The following MAML2 variants were observed in gnomAD, a reference collection of about 807,000 sequenced individuals.
MAML2 encodes the protein mastermind like transcriptional coactivator 2.
In MAML2, 22 loss-of-function variants were observed where a neutral mutation model predicts 96.1. The ratio of observed to expected loss-of-function variants is 0.23; its 90% CI spans 0.16 to 0.33. The LOEUF (loss-of-function observed/expected upper bound fraction) is 0.33, where lower values mean the gene tolerates loss of function less well. Ranked by LOEUF, MAML2 falls within the 10% of genes least tolerant of loss-of-function variation. The pLI is 1.00. For missense variants in MAML2, 1,367 were observed against 1,392.4 expected, an observed-to-expected ratio of 0.98 and a Z score of 0.29; for synonymous variants, 561 against 521.3, an observed-to-expected ratio of 1.08 and a Z score of -1.04.
intron 1 of MAML2, among the ~76,000 whole-genome samples, chr11:96,263,008 C>T (rs1862772495): frequency 6.6e-6 from 1 of 152,140 alleles, no homozygotes; most frequent in African/African-American, 2.4e-5. Flanking sequence ...TAGTAAACTG[C>T]TTCCCCGGGA....
chr11:96,207,789 T>A (rs753335625), intron 1 of MAML2, among the ~76,000 whole-genome samples: 13 of 152,242 alleles, frequency 8.5e-5, no homozygotes, highest in Non-Finnish European at 1.5e-4. Context: ...CATTATCGAA[T>A]AAAGAAGGCA....
intron 4 of MAML2, among the ~76,000 whole-genome samples, chr11:95,984,454 T>C (rs1296517492): frequency 6.6e-6 from 1 of 152,184 alleles, no homozygotes; most frequent in Non-Finnish European, 1.5e-5. Context: ...CCATTCCTAA[T>C]GTTACTTGTT....
intron 1 of MAML2, among the ~76,000 whole-genome samples, chr11:96,298,695 GTGTA>G (rs1234008801): frequency 6.7e-6 from 1 of 148,434 alleles, no homozygotes; most frequent in African/African-American, 2.5e-5. Context: ...ATGTATATGT[GTGTA>G]TGTGTGTATA....
intron 1 of MAML2, among the ~76,000 whole-genome samples, chr11:96,108,690 A>C (rs747180038): frequency 6.6e-5 from 10 of 152,186 alleles, no homozygotes; most frequent in Non-Finnish European, 1.2e-4. Context: ...CAACGTTGAG[A>C]GATGGATAAA....
chr11:96,224,505 AGTTCTTCC>A (rs1175331615), intron 1 of MAML2, among the ~76,000 whole-genome samples: 72 of 152,308 alleles, frequency 4.7e-4, no homozygotes, highest in Middle Eastern at 3.4e-3. Flanking sequence ...GCCCAATTCA[AGTTCTTCC>A]AAGATGTCTT....
chr11:96,288,496 C>T (rs1038683196), intron 1 of MAML2, among the ~76,000 whole-genome samples: 3 of 148,030 alleles, frequency 2.0e-5, no homozygotes, highest in East Asian at 4.0e-4. Flanking sequence ...GAGCCAAGAT[C>T]GTGCCCTTGC....
chr11:95,997,465 A>G (rs1025843367), intron 2 of MAML2, among the ~76,000 whole-genome samples: 4 of 152,136 alleles, frequency 2.6e-5, no homozygotes, highest in Admixed American at 2.0e-4. Context: ...TTCTTTTTAT[A>G]AGGTTCAATC....
chr11:96,053,638 C>A (rs571492008), intron 2 of MAML2, among the ~76,000 whole-genome samples: 1 of 152,054 alleles, frequency 6.6e-6, no homozygotes, highest in Non-Finnish European at 1.5e-5. Flanking sequence ...GGGTGACCAA[C>A]ATAACAGAGG....
At chr11:96,007,071 C>T (rs1370702045) in intron 2 of MAML2, among the ~76,000 whole-genome samples, 4 of 151,572 alleles carry the variant, frequency 2.6e-5, no homozygotes, top group African/African-American at 4.9e-5. Flanking sequence ...GGCATGATCT[C>T]GGCCCACTGC....
rs777417783 is a variant in MAML2 at position 95,979,981 on chromosome 11, A to G, written c.2456-18T>C. The G allele has an allele frequency of 2.5e-6, 4 of 1,594,718 alleles. No individual in the cohort carries two copies. Among genetic ancestry groups the G allele is most frequent in the South Asian group, 1.1e-5 (1 of 87,496 alleles). ...TGAGCCACCTGAGAAAAAGAAGAGAATTTTATTAGTTCGTAGCAGCATGTT... is the reference window on the plus strand; with the variant it reads ...TGAGCCACCTGAGAAAAAGAAGAGAGTTTTATTAGTTCGTAGCAGCATGTT... On this transcript the variant is annotated intron_variant, in intron 4 of 4. Transcript: ENST00000524717.
intron 1 of MAML2, among the ~76,000 whole-genome samples, chr11:96,162,176 CTTTTTTT>C (rs36006515): frequency 0.1 from 10,617 of 105,938 alleles, 581 homozygotes; most frequent in East Asian, 0.21. Flanking sequence ...ATCAATCTAA[CTTTTTTT>C]TTTTTTTTTT....
Position 96,092,759 on chromosome 11 carries a change from C to T in MAML2, c.1272G>A (p.Leu424=). 1 of 1,613,652 alleles carries T rather than the reference C, an allele frequency of 6.2e-7. No homozygotes were observed. Among genetic ancestry groups the T allele is most frequent in the Non-Finnish European group, 8.5e-7 (1 of 1,179,698 alleles). The change falls in exon 2 of 5, where the codon TTG becomes TTA. Residue 424 remains leucine, a synonymous_variant. Transcript: ENST00000524717. The surrounding 1 kb of genome is among the most constrained non-coding windows in gnomAD (Gnocchi z 4.1). ...PQTGSGASRA[L]PSWQEVSHAQ... is the part of the protein sequence containing the mutation. ...CATGGGATACTTCCTGCCAGCTTGGCAAGGCCCGGCTTGCTCCGGAGCCTG... is the reference window on the plus strand; with the variant it reads ...CATGGGATACTTCCTGCCAGCTTGGTAAGGCCCGGCTTGCTCCGGAGCCTG...
Position 96,178,417 on chromosome 11 carries a change from G to T in MAML2, c.514-84900C>A, listed in dbSNP as rs564721753. ...CTTTGATCAGGAGGCAGAGCCAGGG[G>T]TGGAACAAATATATTTGATCTGAAG... On this transcript the variant is annotated intron_variant, in intron 1 of 4. Transcript: ENST00000524717. Among the ~76,000 whole-genome samples the T allele has an allele frequency of 5.9e-5, 9 of 152,242 alleles. No homozygotes were observed. The South Asian group carries it at 1.5e-3, about 25-fold the overall frequency.
chr11:96,270,668 G>T (rs567446177), intron 1 of MAML2, among the ~76,000 whole-genome samples: 1 of 152,016 alleles, frequency 6.6e-6, no homozygotes, highest in African/African-American at 2.4e-5. Context: ...CCCTCCTCCT[G>T]TCTTTTTAAA....
intron 1 of MAML2, among the ~76,000 whole-genome samples, chr11:96,215,784 T>A (rs932775838): frequency 3.9e-5 from 6 of 152,064 alleles, no homozygotes; most frequent in Non-Finnish European, 7.4e-5. Flanking sequence ...TTGTTCCCTC[T>A]CTTTAACCCA....
In MAML2 at chr11:96,340,009, C is replaced by T. The variant is rs549717007; in HGVS notation, c.513+1374G>A. ...TTAACTGTTGGTAGTTATTTTTCAT[C>T]TGGAGCTGGCCTCAAGGAGTCCCAT... On this transcript the variant is annotated intron_variant, in intron 1 of 4. Transcript: ENST00000524717. Among the ~76,000 whole-genome samples the T allele has an allele frequency of 4.6e-5, 7 of 152,300 alleles. No individual in the cohort carries two copies. In the East Asian group the frequency reaches 1.2e-3, roughly 25 times the overall value.
At chr11:95,993,735 A>G (rs1052285653) in intron 2 of MAML2, among the ~76,000 whole-genome samples, 1 of 152,208 alleles carries the variant, frequency 6.6e-6, no homozygotes, top group Non-Finnish European at 1.5e-5. Flanking sequence ...GTAAGCCACA[A>G]GCCGAAAGCC....
intron 1 of MAML2, among the ~76,000 whole-genome samples, chr11:96,304,012 C>T (rs1486183135): frequency 6.6e-6 from 1 of 152,192 alleles, no homozygotes; most frequent in Non-Finnish European, 1.5e-5. Context: ...CAGAGTGGCC[C>T]TCAATCTTTA....
At chr11:96,199,470 ATCAC>A (rs1174323879) in intron 1 of MAML2, among the ~76,000 whole-genome samples, 2 of 152,070 alleles carry the variant, frequency 1.3e-5, no homozygotes, top group African/African-American at 4.8e-5. Context: ...TGCATTTTCT[ATCAC>A]TCACAGCCAA....
Sources: gnomAD v4.1 joint callset for allele counts (sites outside exome capture counted in the v4.1 genomes callset) on GRCh38, gnomAD v4.1.1 for gene constraint, Gnocchi (gnomAD v3.1) non-coding constraint, MANE v1.5 for transcripts, NCBI Gene and HGNC (gene_info 2026-07-23, HGNC 2026-07-21) for gene names.